Variants in ACTR3C observed in about 807,000 individuals in gnomAD.
ACTR3C encodes the protein actin-related protein 3C.
Under a neutral mutation model 26.3 loss-of-function variants are expected in ACTR3C, and 18 were observed. That is an observed-to-expected ratio of 0.68 (90% confidence interval 0.47 to 1.01). The LOEUF (loss-of-function observed/expected upper bound fraction) is 1.01, where lower values mean the gene tolerates loss of function less well. Among genes scored for constraint, ACTR3C ranks in the 50% least tolerant of loss-of-function variants. ACTR3C has a pLI of 0.00. For missense variants in ACTR3C, 184 were observed against 250.7 expected (o/e 0.73, Z 1.80); for synonymous variants, 55 against 94.5 (o/e 0.58, Z 2.42).
Position 150,277,140 on chromosome 7 carries a change from T to G in ACTR3C, c.564+7613A>C, listed in dbSNP as rs149018796. Among the ~76,000 whole-genome samples, 1,327 of 152,176 alleles carry G rather than the reference T, an allele frequency of 8.7e-3. 18 individuals carry two copies. The highest frequency in any genetic ancestry group is 0.03 in the African/African-American group (1,262 of 41,498). ...CCAGCCTGCCAGCCTTCCTACAAATTTTGGACTTGCCAGCCTGAAAGCAAG... is the reference window on the plus strand; with the variant it reads ...CCAGCCTGCCAGCCTTCCTACAAATGTTGGACTTGCCAGCCTGAAAGCAAG... On this transcript the variant is annotated intron_variant, in intron 6 of 7. Coordinates refer to ENST00000683684, the MANE Select transcript of ACTR3C (RefSeq NM_001164458.2).
chr7:150,091,415 A>G, the ACTR3C span, among the ~76,000 whole-genome samples: 4 of 41,144 alleles, frequency 9.7e-5, no homozygotes, highest in African/African-American at 3.2e-4. Flanking sequence ...TGGGTGTGCT[A>G]CAGGCTTTTG....
the ACTR3C span, among the ~76,000 whole-genome samples, chr7:149,990,288 C>T: frequency 1.4e-5 from 2 of 147,810 alleles, no homozygotes; most frequent in African/African-American, 5.0e-5. Context: ...CCTACAAAGT[C>T]AGGAGCATTC....
At chr7:149,931,363 T>G in the ACTR3C span, among the ~76,000 whole-genome samples, 3,572 of 152,226 alleles carry the variant, frequency 0.023, 78 homozygotes, top group African/African-American at 0.08. Context: ...TCCCCTCTTA[T>G]GATGCACAGT....
chr7:150,134,342 G>A, the ACTR3C span, among the ~76,000 whole-genome samples: 1 of 152,144 alleles, frequency 6.6e-6, no homozygotes, highest in Non-Finnish European at 1.5e-5. Flanking sequence ...GAGGTAAAGG[G>A]CTGGGGAGAC....
At chr7:150,004,661 C>T in the ACTR3C span, 1 of 152,222 alleles carries the variant, frequency 6.6e-6, no homozygotes, top group Non-Finnish European at 1.5e-5. Context: ...ATCAAAATGA[C>T]TATCCCCAGC....
the ACTR3C span, among the ~76,000 whole-genome samples, chr7:150,006,143 G>C: frequency 7.1e-6 from 1 of 141,662 alleles, no homozygotes; most frequent in East Asian, 2.1e-4. Flanking sequence ...AGTTCTTCTG[G>C]GAACCTAAAG....
chr7:150,282,848 C>G (rs1289541801), intron 6 of ACTR3C, among the ~76,000 whole-genome samples: 1 of 146,024 alleles, frequency 6.8e-6, no homozygotes, highest in Non-Finnish European at 1.5e-5. Flanking sequence ...TGCACTCCAG[C>G]ACGGGCAACA....
At chr7:149,992,221 G>A in the ACTR3C span, among the ~76,000 whole-genome samples, 2 of 152,238 alleles carry the variant, frequency 1.3e-5, no homozygotes, top group South Asian at 2.1e-4. Context: ...AAAATACCAC[G>A]TGTCCCATGT....
At chr7:149,896,540 C>G in the ACTR3C span, among the ~76,000 whole-genome samples, 1 of 151,840 alleles carries the variant, frequency 6.6e-6, no homozygotes, top group African/African-American at 2.4e-5. Flanking sequence ...GAACAGGTAC[C>G]CAGATACAAC....
At chr7:150,047,834 C>A in the ACTR3C span, 1 of 1,519,978 alleles carries the variant, frequency 6.6e-7, no homozygotes. Flanking sequence ...TGCCGGTGAA[C>A]CTCTGGTACA....
the ACTR3C span, among the ~76,000 whole-genome samples, chr7:149,926,306 G>T: frequency 2.0e-3 from 307 of 152,356 alleles, 2 homozygotes; most frequent in African/African-American, 6.7e-3. Context: ...TGAGACTGCT[G>T]TCTCTTAGAA....
chr7:150,287,165 CAT>C, intron 4 of ACTR3C, among the ~76,000 whole-genome samples: 1 of 151,490 alleles, frequency 6.6e-6, no homozygotes, highest in East Asian at 1.9e-4. Context: ...CCTCAATCAA[CAT>C]AGATTTATTG....
At chr7:150,099,833 C>G in the ACTR3C span, among the ~76,000 whole-genome samples, 3 of 151,466 alleles carry the variant, frequency 2.0e-5, no homozygotes, top group Non-Finnish European at 4.4e-5. Context: ...CAGTGCCCAG[C>G]CTGCCAGCTG....
chr7:150,125,417 C>A, the ACTR3C span, among the ~76,000 whole-genome samples: 2,658 of 129,384 alleles, frequency 0.021, 20 homozygotes, highest in East Asian at 0.048. Flanking sequence ...GGTAAAATTT[C>A]TCTAATAGAG....
chr7:150,112,978 TGAAG>T, the ACTR3C span, among the ~76,000 whole-genome samples: 1 of 152,158 alleles, frequency 6.6e-6, no homozygotes, highest in African/African-American at 2.4e-5. Flanking sequence ...CCCTTGGCTG[TGAAG>T]GAGGATGCCA....
the ACTR3C span, among the ~76,000 whole-genome samples, chr7:149,930,876 ATTT>A: frequency 6.6e-6 from 1 of 151,804 alleles, no homozygotes; most frequent in Non-Finnish European, 1.5e-5. Context: ...CTGCCTTTTT[ATTT>A]TTTTAAGATG....
the ACTR3C span, among the ~76,000 whole-genome samples, chr7:150,163,264 G>A: frequency 6.6e-6 from 1 of 152,012 alleles, no homozygotes; most frequent in African/African-American, 2.4e-5. Flanking sequence ...AAATTCCTGG[G>A]GAGTAAGGAG....
the ACTR3C span, among the ~76,000 whole-genome samples, chr7:150,196,947 C>A: frequency 3.9e-5 from 6 of 152,216 alleles, no homozygotes; most frequent in African/African-American, 1.4e-4. Context: ...GGTTCTGAGC[C>A]TAGAATATAT....
the ACTR3C span, among the ~76,000 whole-genome samples, chr7:150,169,101 G>T: frequency 1.3e-5 from 2 of 150,510 alleles, no homozygotes. Context: ...GATGGAGGGG[G>T]CTGGGCACGG....
Sources: allele counts gnomAD v4.1 joint callset (sites outside exome capture counted in the v4.1 genomes callset), GRCh38; gene constraint gnomAD v4.1.1; transcripts MANE v1.5; gene names NCBI Gene and HGNC (gene_info 2026-07-23, HGNC 2026-07-21).